The following PDE1A variants were observed in gnomAD, a reference collection of about 807,000 sequenced individuals.
The protein encoded by PDE1A is dual specificity calcium/calmodulin-dependent 3',5'-cyclic nucleotide phosphodiesterase 1A.
Under a neutral mutation model 61.7 loss-of-function variants are expected in PDE1A, and 35 were observed. The observed-to-expected ratio is 0.57, with a 90% CI of 0.43 to 0.75. The LOEUF (loss-of-function observed/expected upper bound fraction) is 0.75. Among genes scored for constraint, PDE1A ranks in the 30% least tolerant of loss-of-function variants. The pLI, the probability that PDE1A is intolerant of heterozygous loss-of-function variation, is 0.00. For synonymous variants in PDE1A, 232 were observed against 213.2 expected, an observed-to-expected ratio of 1.09 and a Z score of -0.77; for missense variants, 597 against 630.6, an observed-to-expected ratio of 0.95 and a Z score of 0.57.
intron 1 of PDE1A, among the ~76,000 whole-genome samples, chr2:182,415,195 A>C (rs543628104): frequency 6.6e-6 from 1 of 152,214 alleles, no homozygotes; most frequent in African/African-American, 2.4e-5. Context: ...TAGCCTTCTG[A>C]GGGCTTTGTG....
chr2:182,564,414 C>A, the PDE1A span, among the ~76,000 whole-genome samples: 16 of 152,072 alleles, frequency 1.1e-4, no homozygotes, highest in Admixed American at 2.0e-4. Flanking sequence ...GAGTTTCTGC[C>A]GAGAGATCTG....
chr2:182,168,065 G>C, exon 14 of PDE1A: 2 of 1,286,880 alleles, frequency 1.6e-6, no homozygotes, highest in South Asian at 3.0e-5. Flanking sequence ...AGTTGAGCCC[G>C]GTGAATTAAG....
intron 7 of PDE1A, among the ~76,000 whole-genome samples, chr2:182,207,041 C>T (rs1056664397): frequency 6.6e-6 from 1 of 152,070 alleles, no homozygotes; most frequent in Admixed American, 6.6e-5. Context: ...TGGACTAATA[C>T]AGAAAATTGG....
At chr2:182,384,949 G>C (rs1229306646) in intron 1 of PDE1A, among the ~76,000 whole-genome samples, 1 of 152,088 alleles carries the variant, frequency 6.6e-6, no homozygotes, top group Non-Finnish European at 1.5e-5. Flanking sequence ...GCATATAATA[G>C]GATTCCAGTA....
chr2:182,667,123 AGGT>A, the PDE1A span, among the ~76,000 whole-genome samples: 3 of 152,292 alleles, frequency 2.0e-5, no homozygotes, highest in East Asian at 5.8e-4. Context: ...ACTCTCCACT[AGGT>A]GGCTCAAGTC....
chr2:182,577,727 C>G, the PDE1A span, among the ~76,000 whole-genome samples: 3 of 152,140 alleles, frequency 2.0e-5, no homozygotes, highest in East Asian at 5.8e-4. Context: ...TAAGAGCAGC[C>G]TGGCCAACAT....
At chr2:182,579,421 A>G in the PDE1A span, among the ~76,000 whole-genome samples, 1 of 152,218 alleles carries the variant, frequency 6.6e-6, no homozygotes, top group African/African-American at 2.4e-5. Context: ...GGAGTTAGGC[A>G]CTCTGCTATA....
At chr2:182,455,325 C>A (rs1267077446) in intron 2 of PDE1A, among the ~76,000 whole-genome samples, 1 of 152,084 alleles carries the variant, frequency 6.6e-6, no homozygotes, top group Admixed American at 6.6e-5. Flanking sequence ...TAAACTAGTT[C>A]AACCATTGTG....
At chr2:182,219,928 C>A (rs1688581745) in intron 7 of PDE1A, among the ~76,000 whole-genome samples, 1 of 151,960 alleles carries the variant, frequency 6.6e-6, no homozygotes, top group Admixed American at 6.6e-5. Context: ...TATTTAATAA[C>A]AACAGAGAAA....
At chr2:182,626,755 A>G in the PDE1A span, among the ~76,000 whole-genome samples, 14 of 4,670 alleles carry the variant, frequency 3.0e-3, 2 homozygotes, top group African/African-American at 4.7e-3. Context: ...ATACATATAT[A>G]TATATACATA....
intron 6 of PDE1A, among the ~76,000 whole-genome samples, chr2:182,224,166 G>C (rs1290783049): frequency 6.6e-6 from 1 of 151,860 alleles, no homozygotes; most frequent in Non-Finnish European, 1.5e-5. Context: ...TGGCATATAA[G>C]TTCAAAATTC....
chr2:182,204,171 T>G lies in PDE1A; in HGVS notation c.902+1769A>C, dbSNP rs1395713199. 2.6e-5 allele frequency among the ~76,000 whole-genome samples: 4 copies of G among 152,326 alleles called. No homozygotes were observed. The East Asian group carries it at 7.7e-4, about 29-fold the overall frequency. On this transcript the variant is annotated intron_variant, in intron 8 of 13. Transcript: ENST00000351439. ...ATATTATAAAAATTATCTATGGGAA[T>G]GGTAATCACTGATTAAGAAAATAAA... is the stretch of plus-strand genomic sequence containing the variant.
intron 1 of PDE1A, among the ~76,000 whole-genome samples, chr2:182,304,362 A>T (rs2125925466): frequency 6.6e-6 from 1 of 152,258 alleles, no homozygotes; most frequent in East Asian, 1.9e-4. Flanking sequence ...GACAACTAAA[A>T]CTTTCTCCGT....
At chr2:182,221,079 C>T (rs549967605) in intron 7 of PDE1A, among the ~76,000 whole-genome samples, 3 of 151,958 alleles carry the variant, frequency 2.0e-5, no homozygotes, top group Admixed American at 1.3e-4. Flanking sequence ...CCATCTACCC[C>T]TTCTTGTCCT....
At chr2:182,179,847 G>T (rs1265340646) in intron 13 of PDE1A, among the ~76,000 whole-genome samples, 1 of 152,136 alleles carries the variant, frequency 6.6e-6, no homozygotes, top group Non-Finnish European at 1.5e-5. Context: ...AGAGGGTGAA[G>T]TAGATAATAA....
chr2:182,201,556 A>T (rs758530917), exon 10 of PDE1A: 1 of 1,613,204 alleles, frequency 6.2e-7, no homozygotes, highest in Non-Finnish European at 8.5e-7. Flanking sequence ...TGGCTCTGTC[A>T]ATCCTGTCAA....
chr2:182,141,837 T>C (rs1054369208), exon 15 of PDE1A: 1 of 152,226 alleles, frequency 6.6e-6, no homozygotes, highest in African/African-American at 2.4e-5. Flanking sequence ...ATTTTTACCT[T>C]TCACAAAGAT....
chr2:182,376,064 G>A (rs1373858548), intron 1 of PDE1A, among the ~76,000 whole-genome samples: 1 of 152,206 alleles, frequency 6.6e-6, no homozygotes, highest in Admixed American at 6.5e-5. Context: ...CTCCAGGTCT[G>A]TAATGGGAGG....
the PDE1A span, among the ~76,000 whole-genome samples, chr2:182,711,518 C>T: frequency 2.0e-5 from 3 of 151,166 alleles, no homozygotes; most frequent in Admixed American, 2.0e-4. Flanking sequence ...TATTCTCTAC[C>T]TTTGTCCACC....
Sources: allele counts gnomAD v4.1 joint callset (sites outside exome capture counted in the v4.1 genomes callset), GRCh38; gene constraint gnomAD v4.1.1; transcripts MANE v1.5; gene names NCBI Gene and HGNC (gene_info 2026-07-23, HGNC 2026-07-21).